Variants in ZNF12 observed in about 807,000 individuals in gnomAD.
ZNF12 encodes the protein zinc finger protein 12.
In ZNF12, 34 loss-of-function variants were observed where a neutral mutation model predicts 66.6. The observed-to-expected ratio is 0.51, with a 90% CI of 0.39 to 0.68. The LOEUF (loss-of-function observed/expected upper bound fraction) is 0.68. ZNF12 is among the 30% of genes least tolerant of loss of function. ZNF12 has a pLI of 0.00. For missense variants in ZNF12, 697 were observed against 826.9 expected (o/e 0.84, Z 1.93); for synonymous variants, 320 against 278.9 (o/e 1.15, Z -1.47).
At position 6,697,227 on chromosome 7, in the gene ZNF12, A is replaced by T; in HGVS notation, c.238+112T>A. On this transcript the variant is annotated intron_variant, in intron 4 of 4. Coordinates refer to ENST00000405858, the MANE Select transcript of ZNF12 (RefSeq NM_016265.4). This position sits in a 1 kb window ranked among gnomAD's most constrained non-coding sequence, Gnocchi z 6.1. ...CTTTGGGAGTGAGATTCAGGTTCAT[A>T]GAGCATATAAGCAACTATTTCTAGT... 1 of 730,216 alleles carries T rather than the reference A, an allele frequency of 1.4e-6. No homozygotes were observed. The highest frequency in any genetic ancestry group is 2.9e-5 in the Admixed American group (1 of 34,030). 45.2% of individuals were successfully genotyped at this position (730,216 alleles called of 1,614,324 possible).
At chr7:6,703,094 C>A (rs917821474) in intron 2 of ZNF12, among the ~76,000 whole-genome samples, 10 of 152,114 alleles carry the variant, frequency 6.6e-5, no homozygotes, top group South Asian at 2.1e-4. Flanking sequence ...TGCTGCCACT[C>A]ACTGCATACC....
chr7:6,696,156 T>C lies in ZNF12; in HGVS notation c.238+1183A>G, dbSNP rs771255319. Among the ~76,000 whole-genome samples the C allele has an allele frequency of 2.0e-5, 3 of 152,150 alleles. No homozygotes were observed. Among genetic ancestry groups the C allele is most frequent in the Admixed American group, 2.0e-4 (3 of 15,268 alleles). ...ATACTGCAAATCCAGCTAGGACTCATAGCATGACAGCATCTAGTCTTTGTT... is the reference window on the plus strand; with the variant it reads ...ATACTGCAAATCCAGCTAGGACTCACAGCATGACAGCATCTAGTCTTTGTT... On this transcript the variant is annotated intron_variant, in intron 4 of 4. Transcript: ENST00000405858. The surrounding 1 kb of genome is among the most constrained non-coding windows in gnomAD (Gnocchi z 4.0).
chr7:6,706,798 C>A lies in ZNF12; in HGVS notation c.-417G>T. ...TCGGGGATCCCCGCTTGAGCCTCCG[C>A]CTGGCCCGCACAGCCCCGCGCCCGC... On this transcript the variant is annotated 5_prime_UTR_variant, in exon 1 of 5. Transcript: ENST00000405858. 3.6e-6 allele frequency: 1 copy of A among 276,646 alleles called. No homozygotes were observed. Among genetic ancestry groups the A allele is most frequent in the South Asian group, 2.7e-5 (1 of 36,386 alleles). The allele number at this position is 276,646 out of a possible 1,614,324, so 17.1% of individuals were successfully genotyped here. A position where few individuals can be genotyped will look rare whatever the true frequency, so the allele number is the denominator to read the frequency against.
rs1780056769 is a variant in ZNF12, at chr7:6,690,897, A to G, written c.2045T>C (p.Ile682Thr). ...TACATTCATATTGCCTCTCCTATGA[A>G]TTCTCTGATGGCTGTTGAATGCTGA... ...HKSAFNSHQR[I>T]HRRGNMNVID... is the part of the protein sequence containing the mutation. Residue 682 changes from isoleucine (I) to threonine (T), a missense_variant, in exon 5 of 5, where the codon ATT (isoleucine) becomes ACT (threonine). By Grantham distance (89) the Ile-to-Thr change is moderately conservative (BLOSUM62 -1). Transcript: ENST00000405858. 2 of 1,613,820 alleles carry G rather than the reference A, an allele frequency of 1.2e-6. No homozygotes were observed. Among genetic ancestry groups the G allele is most frequent in the Non-Finnish European group, 1.7e-6 (2 of 1,179,914 alleles).
rs1316148972 is a variant in ZNF12 at position 6,696,414 on chromosome 7, A to C, written c.238+925T>G. Among the ~76,000 whole-genome samples the C allele has an allele frequency of 6.6e-6, 1 of 152,236 alleles. No individual in the cohort carries two copies. The highest frequency in any genetic ancestry group is 1.5e-5 in the Non-Finnish European group (1 of 68,040). ...TCATGATCAATTTCCAGGCCTGATGAGAACAAGAGCAGCTCTGTAACTGGT... is the reference window on the plus strand; with the variant it reads ...TCATGATCAATTTCCAGGCCTGATGCGAACAAGAGCAGCTCTGTAACTGGT... On this transcript the variant is annotated intron_variant, in intron 4 of 4. Coordinates refer to ENST00000405858, the MANE Select transcript of ZNF12 (RefSeq NM_016265.4). This position sits in a 1 kb window ranked among gnomAD's most constrained non-coding sequence, Gnocchi z 4.0.
Position 6,697,820 on chromosome 7 carries a change from G to A in ZNF12, c.16-9C>T. 2 of 1,614,012 alleles carry A rather than the reference G, an allele frequency of 1.2e-6. No homozygotes were observed. The highest frequency in any genetic ancestry group is 1.1e-5 in the South Asian group (1 of 91,082). ...TTGAATGACACTGGCCCCTGAAATG[G>A]CACCGTGATTGGAATTGGGTGACGT... On this transcript the variant is annotated splice_polypyrimidine_tract_variant and intron_variant, in intron 2 of 4. Coordinates refer to ENST00000405858, the MANE Select transcript of ZNF12 (RefSeq NM_016265.4). The surrounding 1 kb of genome is among the most constrained non-coding windows in gnomAD (Gnocchi z 6.1).
At position 6,698,719 on chromosome 7, in the gene ZNF12, C is replaced by T. The variant is rs987712054; in HGVS notation, c.16-908G>A. Among the ~76,000 whole-genome samples the T allele has an allele frequency of 3.3e-5, 5 of 152,180 alleles. No individual in the cohort carries two copies. The highest frequency in any genetic ancestry group is 7.3e-5 in the Non-Finnish European group (5 of 68,036). ...AAATTTCCTTTCTTCCCATGGTACACGTTCTAGGAGAAAGGAACATTCCTG... is the reference window on the plus strand; with the variant it reads ...AAATTTCCTTTCTTCCCATGGTACATGTTCTAGGAGAAAGGAACATTCCTG... On this transcript the variant is annotated intron_variant, in intron 2 of 4. Coordinates refer to ENST00000405858, the MANE Select transcript of ZNF12 (RefSeq NM_016265.4). The surrounding 1 kb of genome is among the most constrained non-coding windows in gnomAD (Gnocchi z 4.4).
chr7:6,692,255 G>A lies in ZNF12; in HGVS notation c.687C>T (p.Asp229=), dbSNP rs1307554957. ...YIECQKAFQK[D]TVFVNHMEEK... is the part of the protein sequence containing the mutation. ...CTTCCATGTGATTAACAAAAACAGT[G>A]TCCTTTTGGAAGGCTTTCTGGCATT... Residue 229 remains aspartate (D), a synonymous_variant, in exon 5 of 5, where the codon GAC becomes GAT. Coordinates refer to ENST00000405858, the MANE Select transcript of ZNF12 (RefSeq NM_016265.4). This position sits in a 1 kb window ranked among gnomAD's most constrained non-coding sequence, Gnocchi z 5.1. The A allele has an allele frequency of 3.7e-6, 6 of 1,613,628 alleles. No individual in the cohort carries two copies. Among genetic ancestry groups the A allele is most frequent in the Non-Finnish European group, 5.1e-6 (6 of 1,179,784 alleles).
At position 6,700,336 on chromosome 7, in the gene ZNF12, CAT is replaced by C. The variant is rs1554294763; in HGVS notation, c.16-2527_16-2526del. On this transcript the variant is annotated intron_variant, in intron 2 of 4. Coordinates refer to ENST00000405858, the MANE Select transcript of ZNF12 (RefSeq NM_016265.4). ...ACACACACACACACACACACACACA[CAT>C]ATATATACATATGTGCCAGGGACAC... Among the ~76,000 whole-genome samples, 267 of 142,956 alleles carry C rather than the reference CAT, an allele frequency of 1.9e-3. 1 individual carries two copies. The highest frequency in any genetic ancestry group is 2.4e-3 in the African/African-American group (88 of 36,278). 93.8% of individuals were successfully genotyped at this position (142,956 alleles called of 152,430 possible).
Position 6,689,898 on chromosome 7 carries a change from A to C in ZNF12, c.*950T>G, listed in dbSNP as rs745533674. On this transcript the variant is annotated 3_prime_UTR_variant, in exon 5 of 5. Transcript: ENST00000405858. The stretch of plus-strand genomic sequence containing the variant: ...TAAGTGTCCAAATAAAAAACAGTAG[A>C]AAAAAAAATAGATACAAATGGGAAT... 5 of 151,942 alleles carry C rather than the reference A, an allele frequency of 3.3e-5. No homozygotes were observed. The highest frequency in any genetic ancestry group is 3.3e-4 in the Admixed American group (5 of 15,202). 9.4% of individuals were successfully genotyped at this position (151,942 alleles called of 1,614,324 possible).
chr7:6,704,495 G>A (rs1780314263), intron 2 of ZNF12, among the ~76,000 whole-genome samples: 2 of 149,018 alleles, frequency 1.3e-5, no homozygotes, highest in Admixed American at 6.7e-5. Context: ...TTGGGAGGCC[G>A]AGGCGGGTGG....
Position 6,691,097 on chromosome 7 carries a change from A to C in ZNF12, c.1845T>G (p.Ser615=). ...GATGTATAGTGAGATAGGACATCTG[A>C]GAGAAGCACTTCCCACATTCATAAC... ...YECYECGKCF[S]QMSYLTIHHR... is the part of the protein sequence containing the mutation. Residue 615 remains serine, a synonymous_variant, in exon 5 of 5, where the codon TCT becomes TCG. Coordinates refer to ENST00000405858, the MANE Select transcript of ZNF12 (RefSeq NM_016265.4). The C allele has an allele frequency of 6.2e-7, 1 of 1,614,056 alleles. No individual in the cohort carries two copies. Among genetic ancestry groups the C allele is most frequent in the South Asian group, 1.1e-5 (1 of 91,084 alleles).
At chr7:6,700,684 A>G (rs1186821304) in intron 2 of ZNF12, 1 of 152,166 alleles carries the variant, frequency 6.6e-6, no homozygotes, top group Non-Finnish European at 1.5e-5. Context: ...TCTGTAGGAC[A>G]AAACCAAAAC....
At chr7:6,701,308 C>T (rs1323757150) in intron 2 of ZNF12, among the ~76,000 whole-genome samples, 1 of 152,142 alleles carries the variant, frequency 6.6e-6, no homozygotes, top group African/African-American at 2.4e-5. Context: ...AATCATATCC[C>T]AAACCCCAAG....
intron 4 of ZNF12, among the ~76,000 whole-genome samples, chr7:6,694,024 G>A (rs566126461): frequency 1.5e-4 from 23 of 152,040 alleles, no homozygotes; most frequent in South Asian, 1.5e-3. Flanking sequence ...AAAATTAGCC[G>A]GGCGTGGTGG....
chr7:6,692,388 G>C lies in ZNF12; in HGVS notation c.554C>G (p.Pro185Arg), dbSNP rs773416898. 6.2e-7 allele frequency: 1 copy of C among 1,612,364 alleles called. No homozygotes were observed. The highest frequency in any genetic ancestry group is 1.3e-5 in the African/African-American group (1 of 74,868). The change falls in exon 5 of 5, where the codon CCA (proline) becomes CGA (arginine). Residue 185 changes from proline to arginine, a missense_variant. Pro to Arg is a moderately radical substitution (Grantham distance 103, BLOSUM62 -2). Around this residue, in one of 3 missense-constraint regions of ZNF12, gnomAD observed 241 missense variants for 224.0 expected, o/e 1.08. Coordinates refer to ENST00000405858, the MANE Select transcript of ZNF12 (RefSeq NM_016265.4). The surrounding 1 kb of genome is among the most constrained non-coding windows in gnomAD (Gnocchi z 5.1). ...ATTAAATTCATAAGCTTGATCTCCT[G>C]GATGAGTTTTCTCAAGCTTAATATG... ...LLHIKLEKTH[P>R]GDQAYEFNQN...
At position 6,696,263 on chromosome 7, in the gene ZNF12, G is replaced by A. The variant is rs1380336425; in HGVS notation, c.238+1076C>T. 2.6e-5 allele frequency among the ~76,000 whole-genome samples: 4 copies of A among 152,176 alleles called. No homozygotes were observed. Among genetic ancestry groups the A allele is most frequent in the Non-Finnish European group, 4.4e-5 (3 of 68,040 alleles). ...TGGACAAAATCCAGTAATCCAGAGA[G>A]ATCAGTAATATCTGATGAGAATTTC... On this transcript the variant is annotated intron_variant, in intron 4 of 4. Transcript: ENST00000405858. This position sits in a 1 kb window ranked among gnomAD's most constrained non-coding sequence, Gnocchi z 4.0.
rs905821526 is a variant in ZNF12 at position 6,692,657 on chromosome 7, C to T, written c.285G>A (p.Glu95=). The change falls in exon 5 of 5, where the codon GAG becomes GAA. Residue 95 remains glutamate, a synonymous_variant. Coordinates refer to ENST00000405858, the MANE Select transcript of ZNF12 (RefSeq NM_016265.4). The surrounding 1 kb of genome is among the most constrained non-coding windows in gnomAD (Gnocchi z 5.1). ...CAGTTTGCCTTGAAGGTTTATTTTC[C>T]TCTTCCTGGATTCTCTCTATTAGGT... is the stretch of plus-strand genomic sequence containing the variant. ...TDDLIERIQE[E]ENKPSRQTVF... is the part of the protein sequence containing the mutation. The T allele has an allele frequency of 4.4e-6, 7 of 1,609,082 alleles. No homozygotes were observed. The highest frequency in any genetic ancestry group is 5.9e-6 in the Non-Finnish European group (7 of 1,178,420).
Position 6,692,486 on chromosome 7 carries a change from T to A in ZNF12, c.456A>T (p.Glu152Asp). 6.2e-7 allele frequency: 1 copy of A among 1,613,330 alleles called. No homozygotes were observed. Among genetic ancestry groups the A allele is most frequent in the Non-Finnish European group, 8.5e-7 (1 of 1,179,670 alleles). Residue 152 changes from glutamate to aspartate, a missense_variant, in exon 5 of 5, where the codon GAA (glutamate) becomes GAT (aspartate). Physicochemically the swap from Glu to Asp is conservative, Grantham distance 45 (BLOSUM62 2). Transcript: ENST00000405858. This position sits in a 1 kb window ranked among gnomAD's most constrained non-coding sequence, Gnocchi z 5.1. ...CATAGCTTCCATCACTACTAATATA[T>A]TCTGAAACAGACGTTAAACACTTTT... ...SCEKCLTSVS[E>D]YISSDGSYAR...
Sources: allele counts gnomAD v4.1 joint callset (sites outside exome capture counted in the v4.1 genomes callset), GRCh38; gene constraint gnomAD v4.1.1; regional missense constraint gnomAD v4.1.1; non-coding constraint Gnocchi (gnomAD v3.1); transcripts MANE v1.5; gene names NCBI Gene and HGNC (gene_info 2026-07-23, HGNC 2026-07-21).